Variants in ATAD3B observed in about 807,000 individuals in gnomAD.
ATAD3B encodes ATPase family AAA domain-containing protein 3B.
Under a neutral mutation model 70.2 loss-of-function variants are expected in ATAD3B, and 59 were observed. The ratio of observed to expected loss-of-function variants is 0.84; its 90% CI spans 0.68 to 1.04. The LOEUF (loss-of-function observed/expected upper bound fraction) is 1.04. Ranked by LOEUF, ATAD3B falls within the 50% of genes least tolerant of loss-of-function variation. ATAD3B has a pLI of 0.00. For synonymous variants in ATAD3B, 423 were observed against 388.6 expected, an observed-to-expected ratio of 1.09 and a Z score of -1.04; for missense variants, 961 against 913.4, an observed-to-expected ratio of 1.05 and a Z score of -0.67.
At chr1:1,486,500 C>CA (rs752516554) in intron 10 of ATAD3B, 44 bp from the exon 11 acceptor site, 2 of 1,611,844 alleles carry the variant, frequency 1.2e-6, no homozygotes, top group African/African-American at 1.4e-5. Flanking sequence ...TTTGCAGAGG[C>CA]AGAGGGAACA....
At position 1,497,294 on chromosome 1, in the gene ATAD3B, C is replaced by G. The variant is rs1334480007; in HGVS notation, c.*1477C>G. ...GTGTGATTATAGCTCACTGCAGCCT[C>G]GACCTCCCAGGCTCAAGTGATCCTC... is the stretch of plus-strand genomic sequence containing the variant. On this transcript the variant is annotated 3_prime_UTR_variant, in exon 16 of 16. Transcript: ENST00000673477. 2 of 148,658 alleles carry G rather than the reference C, an allele frequency of 1.3e-5. No homozygotes were observed. Among genetic ancestry groups the G allele is most frequent in the African/African-American group, 5.0e-5 (2 of 39,984 alleles). 9.2% of individuals were successfully genotyped at this position (148,658 alleles called of 1,614,324 possible).
intron 14 of ATAD3B, 52 bp from the exon 15 acceptor site, chr1:1,490,511 A>C: frequency 6.2e-7 from 1 of 1,610,956 alleles, no homozygotes. Context: ...CCTCCACCTC[A>C]TGGTGTGGGG....
chr1:1,477,270 G>T lies in ATAD3B; in HGVS notation c.206-4G>T. On this transcript the variant is annotated splice_region_variant and splice_polypyrimidine_tract_variant and intron_variant, in intron 1 of 15. Transcript: ENST00000673477. ...CCTGCTCTCCGTGCCACATGCGCCC[G>T]CAGGTTACGCCAAGGAGGCCCTGAA... is the stretch of plus-strand genomic sequence containing the variant. 5.6e-6 allele frequency: 9 copies of T among 1,612,222 alleles called. No homozygotes were observed. Among genetic ancestry groups the T allele is most frequent in the African/African-American group, 1.3e-5 (1 of 74,998 alleles).
Position 1,472,211 on chromosome 1 carries a change from C to T in ATAD3B, c.205+122C>T, listed in dbSNP as rs1384541268. The T allele has an allele frequency of 6.9e-5, 97 of 1,401,108 alleles. 1 individual carries two copies. The highest frequency in any genetic ancestry group is 2.8e-6 in the Non-Finnish European group (3 of 1,064,912). The allele number at this position is 1,401,108 out of a possible 1,614,324, so 86.8% of individuals were successfully genotyped here. On this transcript the variant is annotated intron_variant, in intron 1 of 15. Coordinates refer to ENST00000673477, the MANE Select transcript of ATAD3B (RefSeq NM_031921.6). ...CCACTTCCCGGGCGAGACTGCGCCC[C>T]CGGAGCACCCCCGGCCGGAGCCGTC...
intron 15 of ATAD3B, among the ~76,000 whole-genome samples, chr1:1,494,976 C>T (rs1416125604): frequency 2.0e-5 from 3 of 152,092 alleles, no homozygotes; most frequent in Non-Finnish European, 4.4e-5. Context: ...GCCCCAGTAG[C>T]TCCAGCCTCC....
At chr1:1,487,795 G>A (rs191811766) in intron 11 of ATAD3B, 68 bp from the exon 12 acceptor site, 57 of 1,583,744 alleles carry the variant, frequency 3.6e-5, no homozygotes, top group African/African-American at 6.7e-5. Flanking sequence ...CTCCTGCCGC[G>A]GCCGGACGCT....
intron 4 of ATAD3B, among the ~76,000 whole-genome samples, chr1:1,479,819 C>A (rs1639807553): frequency 7.1e-6 from 1 of 141,154 alleles, no homozygotes; most frequent in South Asian, 2.3e-4. Flanking sequence ...ACAGCCCACA[C>A]ACATACCCCT....
At chr1:1,505,433 G>A in the ATAD3B span, among the ~76,000 whole-genome samples, 6 of 152,330 alleles carry the variant, frequency 3.9e-5, no homozygotes, top group Middle Eastern at 3.4e-3. Context: ...ACAGGGAGAC[G>A]GTTAGGCCTT....
chr1:1,491,732 C>G (rs1195720247), intron 15 of ATAD3B, among the ~76,000 whole-genome samples: 2 of 151,910 alleles, frequency 1.3e-5, no homozygotes, highest in East Asian at 1.9e-4. Context: ...TTGATTTGAA[C>G]GTAGGAGCCG....
At chr1:1,489,808 T>C (rs1438530208) in intron 13 of ATAD3B, 9 of 1,272,252 alleles carry the variant, frequency 7.1e-6, no homozygotes, top group Non-Finnish European at 8.2e-6. Context: ...GAGCCCTGAC[T>C]CAGGTCCTTC....
At chr1:1,478,225 G>A in intron 2 of ATAD3B, 1 of 478,716 alleles carries the variant, frequency 2.1e-6, no homozygotes, top group Non-Finnish European at 3.7e-6. Flanking sequence ...TTGAACTCCT[G>A]ACCTCAGGTG....
At chr1:1,506,774 G>A in the ATAD3B span, among the ~76,000 whole-genome samples, 34 of 148,762 alleles carry the variant, frequency 2.3e-4, no homozygotes, top group African/African-American at 7.7e-4. Flanking sequence ...TGGATTCTAG[G>A]ATTTTCTTTT....
Position 1,472,081 on chromosome 1 carries a change from A to G in ATAD3B, c.197A>G (p.Glu66Gly), listed in dbSNP as rs941093789. The change falls in exon 1 of 16, where the codon GAG becomes GGG. Residue 66 changes from glutamate (E) to glycine (G), a missense_variant. Physicochemically the swap from Glu to Gly is moderately conservative, Grantham distance 98. This residue lies in a region of ATAD3B where 187 missense variants were observed against 244.3 expected (regional missense o/e 0.77). Coordinates refer to ENST00000673477, the MANE Select transcript of ATAD3B (RefSeq NM_031921.6). The stretch of plus-strand genomic sequence containing the variant: ...GCCGCCAAGGCGGCGCGCGAGCTGG[A>G]GCACTCGCGTGAGTGCGGCGGGGCG... The part of the protein sequence containing the change: ...ERAAKAAREL[E>G]HSRYAKEALN... The G allele has an allele frequency of 2.4e-4, 275 of 1,167,170 alleles. 2 individuals are homozygous for G. Among genetic ancestry groups the G allele is most frequent in the Non-Finnish European group, 1.8e-4 (171 of 953,676 alleles). The allele number at this position is 1,167,170 out of a possible 1,614,324, so 72.3% of individuals were successfully genotyped here.
At chr1:1,503,652 C>T in the ATAD3B span, 3 of 1,611,840 alleles carry the variant, frequency 1.9e-6, no homozygotes, top group East Asian at 2.2e-5. Context: ...AGCAACAGTC[C>T]AAGCTCAAAG....
chr1:1,483,054 G>A lies in ATAD3B; in HGVS notation c.750+440G>A, dbSNP rs529437615. On this transcript the variant is annotated intron_variant, in intron 7 of 15. Coordinates refer to ENST00000673477, the MANE Select transcript of ATAD3B (RefSeq NM_031921.6). ...TCAGGCCTGTAATCCCAGCATTTTC[G>A]GAGGCGGAGGTGGGCGGATCACGAG... 7.2e-5 allele frequency: 33 copies of A among 455,484 alleles called. 1 individual carries two copies. Among genetic ancestry groups the A allele is most frequent in the Non-Finnish European group, 1.1e-4 (26 of 227,468 alleles). The allele number at this position is 455,484 out of a possible 1,614,324, so 28.2% of individuals were successfully genotyped here. A position where few individuals can be genotyped will look rare whatever the true frequency, so the allele number is the denominator to read the frequency against.
At chr1:1,485,870 C>G (rs780640490) in intron 9 of ATAD3B, 32 bp downstream of exon 9, 2 of 1,612,540 alleles carry the variant, frequency 1.2e-6, no homozygotes, top group South Asian at 1.1e-5. Flanking sequence ...CGGGGAGGTG[C>G]AGGGAGGGGA....
chr1:1,487,242 G>A (rs1022780903), intron 11 of ATAD3B, among the ~76,000 whole-genome samples: 2 of 151,902 alleles, frequency 1.3e-5, no homozygotes, highest in African/African-American at 4.8e-5. Flanking sequence ...TGTAATCCCA[G>A]ACTTTCGGAG....
chr1:1,490,073 G>A (rs1640450350), intron 13 of ATAD3B, 184 bp from the exon 14 acceptor site: 11 of 1,419,884 alleles, frequency 7.7e-6, no homozygotes, highest in African/African-American at 2.9e-5. Flanking sequence ...GCAGCTGGGC[G>A]TGGTGGGGCA....
downstream of ATAD3B, among the ~76,000 whole-genome samples, chr1:1,502,364 A>C (rs564785699): frequency 6.9e-6 from 1 of 144,256 alleles, no homozygotes. Context: ...ACAGGCGCCC[A>C]CCACCGCGCC....
Sources: allele counts gnomAD v4.1 joint callset (sites outside exome capture counted in the v4.1 genomes callset), GRCh38; gene constraint gnomAD v4.1.1; regional missense constraint gnomAD v4.1.1; transcripts MANE v1.5; gene names NCBI Gene and HGNC (gene_info 2026-07-23, HGNC 2026-07-21).